AQR: variants seen among roughly 807,000 people sequenced by gnomAD.
AQR encodes the protein RNA helicase aquarius.
AQR carries 61 observed loss-of-function variants against 180.5 expected under a neutral mutation model. That is an observed-to-expected ratio of 0.34 (90% CI 0.28 to 0.42). AQR has a LOEUF of 0.42. Ranked by LOEUF, AQR falls within the 10% of genes least tolerant of loss-of-function variation. AQR has a pLI of 1.00. For missense variants in AQR, 1,281 were observed against 1,798.3 expected, an observed-to-expected ratio of 0.71 and a Z score of 5.20; for synonymous variants, 551 against 588.8, an observed-to-expected ratio of 0.94 and a Z score of 0.93.
intron 21 of AQR, 87 bp downstream of exon 21, chr15:34,897,472 G>A: frequency 1.3e-6 from 2 of 1,486,934 alleles, no homozygotes; most frequent in Non-Finnish European, 1.8e-6. Flanking sequence ...AGTTTTAAAA[G>A]AAACAGAAAA....
At chr15:34,932,014 AGTTC>A (rs1198155757) in intron 11 of AQR, among the ~76,000 whole-genome samples, 15 of 152,212 alleles carry the variant, frequency 9.9e-5, no homozygotes, top group Non-Finnish European at 2.1e-4. Flanking sequence ...ATTGGGGCAC[AGTTC>A]ATTTAAAATT....
Position 34,906,730 on chromosome 15 carries a change from C to T in AQR, c.1664-18G>A. On this transcript the variant is annotated intron_variant, in intron 17 of 34. Transcript: ENST00000156471. ...ACGAAGACCTGGTAAGATATAAAGA[C>T]ATTTTCATTTATTAGAATTTCATTG... The T allele has an allele frequency of 1.3e-6, 2 of 1,594,128 alleles. No individual in the cohort carries two copies. The highest frequency in any genetic ancestry group is 1.7e-6 in the Non-Finnish European group (2 of 1,170,196).
intron 30 of AQR, 36 bp downstream of exon 30, chr15:34,873,792 G>A (rs749379877): frequency 2.7e-6 from 4 of 1,492,138 alleles, no homozygotes; most frequent in Admixed American, 2.1e-5. Context: ...GCCAGCAAAT[G>A]CAAAATAAAC....
chr15:34,913,349 A>G (rs148262994), intron 16 of AQR, among the ~76,000 whole-genome samples: 2,050 of 152,294 alleles, frequency 0.013, 56 homozygotes, highest in African/African-American at 0.047. Flanking sequence ...CCCTGAAAAC[A>G]TAATCATTGG....
intron 4 of AQR, 88 bp from the exon 5 acceptor site, chr15:34,948,472 C>A: frequency 2.7e-6 from 4 of 1,457,744 alleles, no homozygotes; most frequent in Non-Finnish European, 3.7e-6. Flanking sequence ...TAATTATTTA[C>A]AACTTTCTGA....
chr15:34,900,528 A>G, intron 20 of AQR, 94 bp downstream of exon 20: 1 of 1,457,190 alleles, frequency 6.9e-7, no homozygotes, highest in African/African-American at 1.4e-5. Flanking sequence ...ATCCAAATAT[A>G]GTACTCAAAA....
At chr15:34,964,098 T>C (rs1322266649) in intron 2 of AQR, 136 bp downstream of exon 2, 1 of 665,672 alleles carries the variant, frequency 1.5e-6, no homozygotes, top group African/African-American at 1.8e-5. Flanking sequence ...CTAAGTTTGA[T>C]AAGCAAAAAA....
At chr15:34,946,874 C>T (rs1037495527) in intron 5 of AQR, among the ~76,000 whole-genome samples, 4 of 145,206 alleles carry the variant, frequency 2.8e-5, no homozygotes, top group South Asian at 2.2e-4. Context: ...CCGCCCCGTC[C>T]GGGAGGGAGG....
chr15:34,906,597 T>C lies in AQR; in HGVS notation c.1779A>G (p.Arg593=), dbSNP rs1423267109. 1.9e-6 allele frequency: 3 copies of C among 1,614,002 alleles called. No homozygotes were observed. Among genetic ancestry groups the C allele is most frequent in the African/African-American group, 2.7e-5 (2 of 74,920 alleles). ...FIEQVGLVYV[R]GCEIQGMLDD... ...CCAGCATGCCCTGAATTTCACAGCC[T>C]CTGACATAAACCAGGCCAACCTGCT... Residue 593 remains arginine, a synonymous_variant, in exon 18 of 35, where the codon AGA becomes AGG. Coordinates refer to ENST00000156471, the MANE Select transcript of AQR (RefSeq NM_014691.3).
intron 8 of AQR, 62 bp downstream of exon 8, chr15:34,940,837 A>G: frequency 7.8e-7 from 1 of 1,274,894 alleles, no homozygotes; most frequent in Non-Finnish European, 1.1e-6. Flanking sequence ...ACCAGTCAAC[A>G]TCATCTAAGG....
intron 2 of AQR, among the ~76,000 whole-genome samples, chr15:34,963,170 G>C (rs755292384): frequency 6.6e-6 from 1 of 151,682 alleles, no homozygotes; most frequent in Non-Finnish European, 1.5e-5. Context: ...TTGTAAAGGC[G>C]AGATCTCACT....
chr15:34,962,699 G>A (rs1277935271), intron 2 of AQR, among the ~76,000 whole-genome samples: 1 of 151,834 alleles, frequency 6.6e-6, no homozygotes, highest in Non-Finnish European at 1.5e-5. Flanking sequence ...AACCCAGGAG[G>A]TGGAGGCTGC....
chr15:34,925,158 G>T (rs961469420), intron 13 of AQR, among the ~76,000 whole-genome samples: 4 of 151,948 alleles, frequency 2.6e-5, no homozygotes, highest in Non-Finnish European at 5.9e-5. Context: ...AATATTAAAA[G>T]TTCTTTAAAA....
chr15:34,894,004 T>C (rs1187712474), intron 22 of AQR, among the ~76,000 whole-genome samples: 1 of 152,134 alleles, frequency 6.6e-6, no homozygotes, highest in African/African-American at 2.4e-5. Context: ...CATGAATCTA[T>C]AGAACATTAA....
At chr15:34,895,785 T>C (rs1893234541) in intron 22 of AQR, among the ~76,000 whole-genome samples, 1 of 152,006 alleles carries the variant, frequency 6.6e-6, no homozygotes, top group African/African-American at 2.4e-5. Context: ...CTTTCAGTAA[T>C]CAACAAAACA....
chr15:34,895,989 A>G (rs936102973), intron 22 of AQR, among the ~76,000 whole-genome samples: 1 of 152,334 alleles, frequency 6.6e-6, no homozygotes, highest in Non-Finnish European at 1.5e-5. Context: ...AAAAGCAAAA[A>G]CCAAAAAATT....
rs372155989 is a variant in AQR, at chr15:34,944,284, G to A, written c.471+4C>T. On this transcript the variant is annotated splice_donor_region_variant and intron_variant, in intron 6 of 34. Transcript: ENST00000156471. ...AATTACCCCAAAATATAAAGTAAAAGTACCAAACTATTGAAGCAATGATCA... is the reference window on the plus strand; with the variant it reads ...AATTACCCCAAAATATAAAGTAAAAATACCAAACTATTGAAGCAATGATCA... The A allele has an allele frequency of 6.1e-5, 97 of 1,577,660 alleles. No individual in the cohort carries two copies. The highest frequency in any genetic ancestry group is 8.0e-5 in the Non-Finnish European group (93 of 1,167,616).
chr15:34,925,637 A>T (rs1354978456), intron 13 of AQR, among the ~76,000 whole-genome samples: 4 of 152,042 alleles, frequency 2.6e-5, no homozygotes, highest in Non-Finnish European at 5.9e-5. Context: ...CAGGAGTTTG[A>T]GACCAGCCTG....
At chr15:34,879,610 C>T (rs1023497346) in intron 27 of AQR, among the ~76,000 whole-genome samples, 1 of 151,904 alleles carries the variant, frequency 6.6e-6, no homozygotes, top group Non-Finnish European at 1.5e-5. Flanking sequence ...GTAATAGGAG[C>T]TTTTTTTTCC....
Sources: gnomAD v4.1 joint callset for allele counts (sites outside exome capture counted in the v4.1 genomes callset) on GRCh38, gnomAD v4.1.1 for gene constraint, MANE v1.5 for transcripts, NCBI Gene and HGNC (gene_info 2026-07-23, HGNC 2026-07-21) for gene names.